Variants in ERBB4 observed in about 807,000 individuals in gnomAD.
ERBB4 encodes receptor tyrosine-protein kinase erbB-4.
ERBB4 carries 42 observed loss-of-function variants against 158.0 expected under a neutral mutation model. The ratio of observed to expected loss-of-function variants is 0.27; its 90% CI spans 0.21 to 0.34. ERBB4 has a LOEUF of 0.34. ERBB4 is among the 10% of genes least tolerant of loss of function. ERBB4 has a pLI of 1.00. For missense variants in ERBB4, 1,333 were observed against 1,624.1 expected, an observed-to-expected ratio of 0.82 and a Z score of 3.08; for synonymous variants, 583 against 558.7, an observed-to-expected ratio of 1.04 and a Z score of -0.61.
At chr2:212,535,007 CAGTA>C (rs143422618) in intron 1 of ERBB4, among the ~76,000 whole-genome samples, 6,927 of 151,932 alleles carry the variant, frequency 0.046, 498 homozygotes, top group African/African-American at 0.16. Flanking sequence ...ATATATAAAG[CAGTA>C]AGTGCCTTGA....
At chr2:212,070,999 A>G (rs2078099146) in intron 2 of ERBB4, among the ~76,000 whole-genome samples, 1 of 151,950 alleles carries the variant, frequency 6.6e-6, no homozygotes, top group Non-Finnish European at 1.5e-5. Context: ...TAAATGATAG[A>G]CAAAGTAACA....
chr2:211,541,182 G>C (rs1005727997), intron 20 of ERBB4, among the ~76,000 whole-genome samples: 21 of 151,770 alleles, frequency 1.4e-4, no homozygotes, highest in African/African-American at 5.1e-4. Flanking sequence ...TTGTCTTGGC[G>C]CTCAAGGGAT....
At chr2:211,667,978 C>T (rs76288149) in intron 14 of ERBB4, among the ~76,000 whole-genome samples, 10 of 152,182 alleles carry the variant, frequency 6.6e-5, no homozygotes, top group South Asian at 6.2e-4. Context: ...TTCATCATTG[C>T]GCAGATATCA....
intron 1 of ERBB4, among the ~76,000 whole-genome samples, chr2:212,187,450 AAG>A (rs1491086154): frequency 6.7e-6 from 1 of 149,848 alleles, no homozygotes; most frequent in South Asian, 2.1e-4. Context: ...TAAATAAATA[AAG>A]ATGTTAATCT....
At chr2:211,524,668 C>G (rs947314525) in intron 20 of ERBB4, among the ~76,000 whole-genome samples, 5 of 147,786 alleles carry the variant, frequency 3.4e-5, no homozygotes, top group Non-Finnish European at 7.4e-5. Context: ...CCGGCTGCTC[C>G]GAGTGCGGGG....
At chr2:211,482,178 T>G (rs1458311259) in intron 20 of ERBB4, among the ~76,000 whole-genome samples, 3 of 152,196 alleles carry the variant, frequency 2.0e-5, no homozygotes, top group African/African-American at 7.2e-5. Flanking sequence ...CTTTGAGGAT[T>G]CACTAGAATA....
chr2:211,798,723 C>T (rs954020865), intron 3 of ERBB4, among the ~76,000 whole-genome samples: 1 of 151,858 alleles, frequency 6.6e-6, no homozygotes, highest in East Asian at 1.9e-4. Context: ...CATGAAATCC[C>T]CATTAAGTTT....
chr2:212,220,784 A>C (rs2083267012), intron 1 of ERBB4, among the ~76,000 whole-genome samples: 1 of 151,374 alleles, frequency 6.6e-6, no homozygotes, highest in Non-Finnish European at 1.5e-5. Context: ...TATATCTCCC[A>C]ATGATATACT....
intron 1 of ERBB4, among the ~76,000 whole-genome samples, chr2:212,296,938 A>G (rs2086435306): frequency 6.6e-6 from 1 of 151,934 alleles, no homozygotes; most frequent in African/African-American, 2.4e-5. Context: ...TGGACTGGTC[A>G]GCCTGAAGGG....
At chr2:211,684,955 C>T (rs2072503078) in intron 12 of ERBB4, among the ~76,000 whole-genome samples, 1 of 152,204 alleles carries the variant, frequency 6.6e-6, no homozygotes, top group Non-Finnish European at 1.5e-5. Flanking sequence ...AATCATTAAA[C>T]TGTTTCTCTG....
At chr2:212,512,300 T>C (rs910456750) in intron 1 of ERBB4, among the ~76,000 whole-genome samples, 4 of 151,710 alleles carry the variant, frequency 2.6e-5, no homozygotes, top group Admixed American at 6.6e-5. Flanking sequence ...TCTCTTTATA[T>C]TGGGAGAAAA....
At chr2:212,129,895 C>A (rs889106637) in intron 1 of ERBB4, among the ~76,000 whole-genome samples, 3 of 151,890 alleles carry the variant, frequency 2.0e-5, no homozygotes, top group African/African-American at 4.8e-5. Context: ...TATCTAGAAT[C>A]CACAGTATAT....
chr2:212,084,505 C>G (rs1300574473), intron 2 of ERBB4, among the ~76,000 whole-genome samples: 1 of 151,854 alleles, frequency 6.6e-6, no homozygotes, highest in Non-Finnish European at 1.5e-5. Context: ...TCATTGTGAA[C>G]AAATTTGATT....
chr2:212,365,724 C>T (rs1177444520), intron 1 of ERBB4, among the ~76,000 whole-genome samples: 2 of 151,834 alleles, frequency 1.3e-5, no homozygotes, highest in African/African-American at 2.4e-5. Flanking sequence ...TCGGTTTATA[C>T]ATATGCTTTA....
At chr2:211,696,114 C>A (rs1457315554) in intron 12 of ERBB4, among the ~76,000 whole-genome samples, 1 of 135,046 alleles carries the variant, frequency 7.4e-6, no homozygotes, top group Non-Finnish European at 1.6e-5. Flanking sequence ...TTCTCTTTAT[C>A]TCTTTCTTTC....
rs988021313 is a variant in ERBB4 at position 211,399,371 on chromosome 2, A to G, written c.3136-11379T>C. Among the ~76,000 whole-genome samples, 3 of 152,220 alleles carry G rather than the reference A, an allele frequency of 2.0e-5. No homozygotes were observed. In the East Asian group the frequency reaches 5.8e-4, roughly 29 times the overall value. ...ATTGAATCAAAGGAGAGATTAAAAA[A>G]TGTCTTAAACCCAAAGAGTGGCTCT... On this transcript the variant is annotated intron_variant, in intron 25 of 27. Coordinates refer to ENST00000342788, the MANE Select transcript of ERBB4 (RefSeq NM_005235.3).
intron 1 of ERBB4, among the ~76,000 whole-genome samples, chr2:212,525,666 A>G (rs1421879543): frequency 8.0e-6 from 1 of 124,830 alleles, no homozygotes; most frequent in Non-Finnish European, 1.5e-5. Context: ...ATTTTCTCAC[A>G]CTAGTTAAAC....
intron 9 of ERBB4, among the ~76,000 whole-genome samples, chr2:211,708,275 A>G (rs114774741): frequency 0.011 from 1,741 of 152,240 alleles, 33 homozygotes; most frequent in African/African-American, 0.04. Context: ...AGAATACATC[A>G]TAATTCATTT....
intron 1 of ERBB4, among the ~76,000 whole-genome samples, chr2:212,126,782 T>A (rs899819456): frequency 1.3e-5 from 2 of 152,162 alleles, no homozygotes; most frequent in African/African-American, 4.8e-5. Context: ...AAAGATGCTA[T>A]GATGCCTGAT....
Sources: allele counts gnomAD v4.1 joint callset (sites outside exome capture counted in the v4.1 genomes callset), GRCh38; gene constraint gnomAD v4.1.1; transcripts MANE v1.5; gene names NCBI Gene and HGNC (gene_info 2026-07-23, HGNC 2026-07-21).